DCLK3: variants seen among roughly 807,000 people sequenced by gnomAD.
The protein encoded by DCLK3 is serine/threonine-protein kinase DCLK3.
DCLK3 carries 30 observed loss-of-function variants against 46.4 expected under a neutral mutation model. The ratio of observed to expected loss-of-function variants is 0.65; its 90% CI spans 0.48 to 0.88. The LOEUF (loss-of-function observed/expected upper bound fraction) is 0.88, where lower values mean the gene tolerates loss of function less well. Among genes scored for constraint, DCLK3 ranks in the 40% least tolerant of loss-of-function variants. The probability of loss-of-function intolerance (pLI) is 0.00; values close to 1 mark genes in which losing one functional copy is unlikely to be tolerated. For synonymous variants in DCLK3, 401 were observed against 339.2 expected (o/e 1.18, Z -2.00); for missense variants, 846 against 907.1 (o/e 0.93, Z 0.87).
At chr3:36,735,199 C>G (rs1172500342) in intron 2 of DCLK3, among the ~76,000 whole-genome samples, 1 of 152,196 alleles carries the variant, frequency 6.6e-6, no homozygotes, top group Non-Finnish European at 1.5e-5. Flanking sequence ...TGTTAAAGAA[C>G]ACTGCTCTGT....
rs911144922 is a variant in DCLK3, at chr3:36,738,675, C to T, written c.492G>A (p.Gly164=). ...CTTTGCCCATAGCTATGAAAGCATC[C>T]CCTTCCCTGAAGAAATCAGAGACGC... ...IRSVSDFFRE[G]DAFIAMGKEP... is the part of the protein sequence containing the mutation. The change falls in exon 2 of 5, where the codon GGG becomes GGA. Residue 164 remains glycine, a synonymous_variant. Coordinates refer to ENST00000636136, the MANE Select transcript of DCLK3 (RefSeq NM_001394672.2). 3 of 1,327,826 alleles carry T rather than the reference C, an allele frequency of 2.3e-6. No individual in the cohort carries two copies. In the African/African-American group the frequency reaches 4.5e-5, roughly 20 times the overall value. 82.3% of individuals were successfully genotyped at this position (1,327,826 alleles called of 1,614,324 possible).
At chr3:36,716,812 A>C (rs1267752648) in intron 4 of DCLK3, among the ~76,000 whole-genome samples, 1 of 152,226 alleles carries the variant, frequency 6.6e-6, no homozygotes, top group Non-Finnish European at 1.5e-5. Context: ...GTGTGACTAC[A>C]GCAGGGCCCA....
chr3:36,725,202 C>T lies in DCLK3; in HGVS notation c.1960-3543G>A, dbSNP rs138426281. On this transcript the variant is annotated intron_variant, in intron 2 of 4. Transcript: ENST00000636136. Reference sequence around the variant, plus strand: ...TGGCGGGCGCCTGTAGTCCCAGCTACTCTGAAGGCTGAGGCAGAAGAATAG... The same window carrying T: ...TGGCGGGCGCCTGTAGTCCCAGCTATTCTGAAGGCTGAGGCAGAAGAATAG... 5.0e-3 allele frequency among the ~76,000 whole-genome samples: 752 copies of T among 151,844 alleles called. 6 individuals carry two copies. Among genetic ancestry groups the T allele is most frequent in the East Asian group, 0.015 (79 of 5,138 alleles).
intron 2 of DCLK3, among the ~76,000 whole-genome samples, chr3:36,723,574 C>T (rs115255016): frequency 0.13 from 19,551 of 152,138 alleles, 1,664 homozygotes; most frequent in Non-Finnish European, 0.19. Context: ...TGTGTGCAGC[C>T]TAGGGACTTG....
chr3:36,715,227 A>G lies in DCLK3; in HGVS notation c.*101T>C, dbSNP rs1700960152. 7.4e-7 allele frequency: 1 copy of G among 1,352,530 alleles called. No individual in the cohort carries two copies. The highest frequency in any genetic ancestry group is 1.5e-5 in the African/African-American group (1 of 67,388). 83.8% of individuals were successfully genotyped at this position (1,352,530 alleles called of 1,614,324 possible). A position where few individuals can be genotyped will look rare whatever the true frequency, so the allele number is the denominator to read the frequency against. On this transcript the variant is annotated 3_prime_UTR_variant, in exon 5 of 5. Transcript: ENST00000636136. ...CAGTGTCTCTCCCTCTGATTCACCA[A>G]TTATGTGAAGAAGCCTCTTTCATTG...
Position 36,738,738 on chromosome 3 carries a change from C to T in DCLK3, c.429G>A (p.Val143=). Residue 143 remains valine (V), a synonymous_variant, in exon 2 of 5, where the codon GTG becomes GTA. Coordinates refer to ENST00000636136, the MANE Select transcript of DCLK3 (RefSeq NM_001394672.2). The stretch of plus-strand genomic sequence containing the variant: ...TGCCCTTGAGGTTAAACAGTTTCCT[C>T]ACACGGTCATTCTTCCATCTGGGAG... ...LGSPRWKNDR[V]RKLFNLKGRE... is the part of the protein sequence containing the mutation. The T allele has an allele frequency of 1.4e-5, 18 of 1,309,836 alleles. No homozygotes were observed. The highest frequency in any genetic ancestry group is 1.7e-5 in the Non-Finnish European group (17 of 1,024,236). 81.1% of individuals were successfully genotyped at this position (1,309,836 alleles called of 1,614,324 possible).
intron 1 of DCLK3, among the ~76,000 whole-genome samples, chr3:36,757,068 C>T (rs754850733): frequency 6.6e-6 from 1 of 152,018 alleles, no homozygotes; most frequent in Non-Finnish European, 1.5e-5. Context: ...TCAGTTGGTG[C>T]ATTAGGTTAA....
In DCLK3 at chr3:36,738,448, G is replaced by T; in HGVS notation, c.719C>A (p.Ala240Glu). 1 of 1,476,722 alleles carries T rather than the reference G, an allele frequency of 6.8e-7. No individual in the cohort carries two copies. The highest frequency in any genetic ancestry group is 9.0e-7 in the Non-Finnish European group (1 of 1,114,728). The allele number at this position is 1,476,722 out of a possible 1,614,324, so 91.5% of individuals were successfully genotyped here. A position where few individuals can be genotyped will look rare whatever the true frequency, so the allele number is the denominator to read the frequency against. ...KSCSEVAGCK[A>E]AMRHQGKIPE... ...GATCTTCCCCTGGTGCCTCATGGCT[G>T]CCTTGCATCCTGCAACTTCGCTGCA... Residue 240 changes from alanine to glutamate, a missense_variant, in exon 2 of 5, where the codon GCA becomes GAA. Coordinates refer to ENST00000636136, the MANE Select transcript of DCLK3 (RefSeq NM_001394672.2).
intron 1 of DCLK3, among the ~76,000 whole-genome samples, chr3:36,750,133 T>C (rs1037736256): frequency 1.3e-5 from 2 of 152,248 alleles, no homozygotes; most frequent in African/African-American, 4.8e-5. Context: ...CAGGCTGAAG[T>C]GCAGTGGCGC....
intron 1 of DCLK3, among the ~76,000 whole-genome samples, chr3:36,742,082 G>A (rs1396897299): frequency 6.6e-6 from 1 of 152,170 alleles, no homozygotes; most frequent in Non-Finnish European, 1.5e-5. Flanking sequence ...TCCAAGATGG[G>A]ATGTCAGGGA....
At chr3:36,717,482 C>T (rs182255087) in intron 4 of DCLK3, among the ~76,000 whole-genome samples, 75 of 152,178 alleles carry the variant, frequency 4.9e-4, no homozygotes, top group African/African-American at 1.8e-3. Context: ...GTAGTACAGA[C>T]AAATCAGTAG....
chr3:36,746,041 A>G (rs1159101208), intron 1 of DCLK3, among the ~76,000 whole-genome samples: 3 of 152,212 alleles, frequency 2.0e-5, no homozygotes, highest in Non-Finnish European at 4.4e-5. Context: ...TGACACTCCA[A>G]TCTCTAATTA....
At chr3:36,739,175 C>G (rs1009909723) in intron 1 of DCLK3, 91 bp from the exon 2 acceptor site, 4 of 397,438 alleles carry the variant, frequency 1.0e-5, no homozygotes, top group African/African-American at 8.2e-5. Context: ...ATGACTGACT[C>G]TAGCATTACA....
In DCLK3 at chr3:36,747,924, T is replaced by A. The variant is rs895492648; in HGVS notation, c.83-8840A>T. ...AGACCCTCAGGTGGTGTGATGCACGTTTGCTTGAAATGCACTGCCATAGAA... is the reference window on the plus strand; with the variant it reads ...AGACCCTCAGGTGGTGTGATGCACGATTGCTTGAAATGCACTGCCATAGAA... On this transcript the variant is annotated intron_variant, in intron 1 of 4. Coordinates refer to ENST00000636136, the MANE Select transcript of DCLK3 (RefSeq NM_001394672.2). Among the ~76,000 whole-genome samples the A allele has an allele frequency of 1.8e-4, 27 of 152,316 alleles. No homozygotes were observed. The East Asian group carries it at 2.3e-3, about 13-fold the overall frequency.
intron 2 of DCLK3, among the ~76,000 whole-genome samples, chr3:36,731,139 A>T (rs956243805): frequency 6.6e-6 from 1 of 152,198 alleles, no homozygotes; most frequent in Non-Finnish European, 1.5e-5. Context: ...GTGTCTGGTC[A>T]GAGGTGGCCA....
intron 1 of DCLK3, among the ~76,000 whole-genome samples, chr3:36,740,506 G>A (rs1004300080): frequency 1.3e-5 from 2 of 152,168 alleles, no homozygotes; most frequent in Non-Finnish European, 2.9e-5. Flanking sequence ...TCCTTGTCCA[G>A]ATGGTTTTCC....
chr3:36,733,124 G>A (rs1701219780), intron 2 of DCLK3, among the ~76,000 whole-genome samples: 1 of 152,104 alleles, frequency 6.6e-6, no homozygotes, highest in Non-Finnish European at 1.5e-5. Context: ...CAGAAAGAGG[G>A]TACAACCTTT....
At chr3:36,752,122 G>C (rs4678546) in intron 1 of DCLK3, among the ~76,000 whole-genome samples, 27,994 of 152,162 alleles carry the variant, frequency 0.18, 3,346 homozygotes, top group East Asian at 0.5. Flanking sequence ...TACTTTGGCT[G>C]ACTGGAGCCA....
At chr3:36,730,581 G>A (rs1257498784) in intron 2 of DCLK3, among the ~76,000 whole-genome samples, 1 of 152,190 alleles carries the variant, frequency 6.6e-6, no homozygotes, top group Non-Finnish European at 1.5e-5. Context: ...GATAAGGGCT[G>A]CGTTGTCTAG....
Sources: gnomAD v4.1 joint callset for allele counts (sites outside exome capture counted in the v4.1 genomes callset) on GRCh38, gnomAD v4.1.1 for gene constraint, MANE v1.5 for transcripts, NCBI Gene and HGNC (gene_info 2026-07-23, HGNC 2026-07-21) for gene names.